The following TRIL variants were observed in gnomAD, a reference collection of about 807,000 sequenced individuals.
TRIL encodes the protein TLR4 interactor with leucine rich repeats.
Under a neutral mutation model 43.0 loss-of-function variants are expected in TRIL, and 23 were observed. The observed-to-expected ratio is 0.54, with a 90% CI of 0.39 to 0.76. The LOEUF (loss-of-function observed/expected upper bound fraction) is 0.76. Ranked by LOEUF, TRIL falls within the 30% of genes least tolerant of loss-of-function variation. The pLI, the probability that TRIL is intolerant of heterozygous loss-of-function variation, is 0.00. For synonymous variants in TRIL, 602 were observed against 556.8 expected, an observed-to-expected ratio of 1.08 and a Z score of -1.14; for missense variants, 1,114 against 1,139.3, an observed-to-expected ratio of 0.98 and a Z score of 0.32.
rs1487849879 is a variant in TRIL, at chr7:28,956,324, G to A, written c.1723C>T (p.Leu575=). The A allele has an allele frequency of 1.3e-6, 2 of 1,535,530 alleles. No individual in the cohort carries two copies. The highest frequency in any genetic ancestry group is 1.7e-6 in the Non-Finnish European group (2 of 1,147,238). ...QSDGGAGLPP[L]VSDPCDFNKF... ...TTGAAGTCGCATGGGTCGGACACCA[G>A]CGGCGGCAGCCCGGCCCCACCGTCG... Residue 575 remains leucine (L), a synonymous_variant, in exon 1 of 1, where the codon CTG becomes TTG. Transcript: ENST00000539664.
At position 28,958,228 on chromosome 7, in the gene TRIL, C is replaced by T. The variant is rs916457883; in HGVS notation, c.-182G>A. ...GGCCCGGGTCTCTGCAGGCGGGCTT[C>T]GCCCGGCCAAGTCAGGCGGCGCGGG... On this transcript the variant is annotated 5_prime_UTR_variant, in exon 1 of 1. Transcript: ENST00000539664. The T allele has an allele frequency of 1.1e-6, 1 of 877,482 alleles. No individual in the cohort carries two copies. The highest frequency in any genetic ancestry group is 1.6e-6 in the Non-Finnish European group (1 of 610,748). The allele number at this position is 877,482 out of a possible 1,614,324, so 54.4% of individuals were successfully genotyped here.
Position 28,955,861 on chromosome 7 carries a change from C to T in TRIL, c.2186G>A (p.Arg729Lys), listed in dbSNP as rs781750515. 6 of 1,549,972 alleles carry T rather than the reference C, an allele frequency of 3.9e-6. No individual in the cohort carries two copies. In the South Asian group the frequency reaches 7.1e-5, roughly 18 times the overall value. The change falls in exon 1 of 1, where the codon AGG (arginine) becomes AAG (lysine). Residue 729 changes from arginine (R) to lysine (K), a missense_variant. By Grantham distance (26) the Arg-to-Lys change is conservative (BLOSUM62 2). Coordinates refer to ENST00000539664, the MANE Select transcript of TRIL (RefSeq NM_014817.4). ...GTGGACCGGGGCCCCGCCCTTCCGC[C>T]TAGCCCGCAGTTTCCTACGCAGCCA... ...SRWLRRKLRA[R>K]RKGGAPVHVR...
In TRIL at chr7:28,955,848, C is replaced by T; in HGVS notation, c.2199G>A (p.Gly733=). 6.5e-7 allele frequency: 1 copy of T among 1,549,796 alleles called. No individual in the cohort carries two copies. The highest frequency in any genetic ancestry group is 8.7e-7 in the Non-Finnish European group (1 of 1,146,768). ...RRKLRARRKG[G]APVHVRHMYS... ...ACATGTGCCGAACGTGGACCGGGGC[C>T]CCGCCCTTCCGCCTAGCCCGCAGTT... The change falls in exon 1 of 1, where the codon GGG becomes GGA. Residue 733 remains glycine, a synonymous_variant. Coordinates refer to ENST00000539664, the MANE Select transcript of TRIL (RefSeq NM_014817.4).
In TRIL at chr7:28,957,707, G is replaced by C. The variant is rs1783429595; in HGVS notation, c.340C>G (p.Leu114Val). The change falls in exon 1 of 1, where the codon CTG (leucine) becomes GTG (valine). Residue 114 changes from leucine to valine, a missense_variant. Leu to Val is a conservative substitution (Grantham distance 32). Transcript: ENST00000539664. ...EKLSRLEELY[L>V]GNNLLQALAP... Reference sequence around the variant, plus strand: ...AGCGCCTGCAAGAGGTTGTTCCCCAGGTACAGCTCTTCCAGCCGCGAGAGC... The same window carrying C: ...AGCGCCTGCAAGAGGTTGTTCCCCACGTACAGCTCTTCCAGCCGCGAGAGC... The C allele has an allele frequency of 6.2e-7, 1 of 1,611,678 alleles. No homozygotes were observed. The highest frequency in any genetic ancestry group is 8.5e-7 in the Non-Finnish European group (1 of 1,178,894).
Position 28,957,159 on chromosome 7 carries a change from C to G in TRIL, c.888G>C (p.Leu296=). The change falls in exon 1 of 1, where the codon CTG becomes CTC. Residue 296 remains leucine, a synonymous_variant. Transcript: ENST00000539664. ...GNRLSQLPTA[L]LEPLHSLEAL... is the part of the protein sequence containing the mutation. ...CCTCCAGGCTGTGCAGAGGCTCCAG[C>G]AGCGCAGTTGGCAGCTGGCTCAGCC... The G allele has an allele frequency of 6.3e-7, 1 of 1,590,610 alleles. No individual in the cohort carries two copies. Among genetic ancestry groups the G allele is most frequent in the Non-Finnish European group, 8.5e-7 (1 of 1,171,698 alleles).
rs568603520 is a variant in TRIL, at chr7:28,955,894, G to A, written c.2153C>T (p.Ala718Val). The A allele has an allele frequency of 9.0e-6, 14 of 1,550,624 alleles. No homozygotes were observed. The African/African-American group carries it at 1.8e-4, about 20-fold the overall frequency. Reference sequence around the variant, plus strand: ...CAGTTTCCTACGCAGCCAGCGAGACGCCCAGGCCGCCAAGGCCAGGAGCAC... The same window carrying A: ...CAGTTTCCTACGCAGCCAGCGAGACACCCAGGCCGCCAAGGCCAGGAGCAC... ...LLVLLALAAW[A>V]SRWLRRKLRA... Residue 718 changes from alanine to valine, a missense_variant, in exon 1 of 1, where the codon GCG (alanine) becomes GTG (valine). By Grantham distance (64) the Ala-to-Val change is moderately conservative. Transcript: ENST00000539664.
At position 28,956,499 on chromosome 7, in the gene TRIL, C is replaced by A; in HGVS notation, c.1548G>T (p.Gln516His). Residue 516 changes from glutamine (Q) to histidine (H), a missense_variant, in exon 1 of 1, where the codon CAG (glutamine) becomes CAT (histidine). Transcript: ENST00000539664. ...PQSLDLHKKP[Q>H]RGRPTRADPA... is the part of the protein sequence containing the mutation. ...GATCTGCCCGAGTCGGACGGCCCCG[C>A]TGGGGCTTCTTGTGCAGGTCTAGGG... 1 of 1,574,712 alleles carries A rather than the reference C, an allele frequency of 6.4e-7. No individual in the cohort carries two copies. The highest frequency in any genetic ancestry group is 8.6e-7 in the Non-Finnish European group (1 of 1,168,240).
chr7:28,956,588 G>A lies in TRIL; in HGVS notation c.1459C>T (p.Arg487Trp), dbSNP rs376672396. The change falls in exon 1 of 1, where the codon CGG becomes TGG. Residue 487 changes from arginine to tryptophan, a missense_variant. Physicochemically the swap from Arg to Trp is moderately radical, Grantham distance 101 (BLOSUM62 -3). Coordinates refer to ENST00000539664, the MANE Select transcript of TRIL (RefSeq NM_014817.4). ...GNRSALRLSR[R>W]GPGLQQPSPS... ...CTGGGCTGCTGGAGGCCCGGGCCCCGCCGACTCAGCCTTAGGGCGCTGCGG... is the reference window on the plus strand; with the variant it reads ...CTGGGCTGCTGGAGGCCCGGGCCCCACCGACTCAGCCTTAGGGCGCTGCGG... The A allele has an allele frequency of 3.2e-3, 5,059 of 1,556,636 alleles. 181 individuals are homozygous for A. The South Asian group carries it at 0.055, about 17-fold the overall frequency.
chr7:28,954,907 T>C lies in TRIL; in HGVS notation c.*704A>G, dbSNP rs1783373495. 1 of 152,250 alleles carries C rather than the reference T, an allele frequency of 6.6e-6. No homozygotes were observed. 9.4% of individuals were successfully genotyped at this position (152,250 alleles called of 1,614,324 possible). A position where few individuals can be genotyped will look rare whatever the true frequency, so the allele number is the denominator to read the frequency against. On this transcript the variant is annotated 3_prime_UTR_variant, in exon 1 of 1. Transcript: ENST00000539664. ...TTATCCTCGAAGTCAGCAAGCGCTCTTGTACTGTTAATATTAAAAGGAACA... is the reference window on the plus strand; with the variant it reads ...TTATCCTCGAAGTCAGCAAGCGCTCCTGTACTGTTAATATTAAAAGGAACA...
Position 28,958,086 on chromosome 7 carries a change from G to T in TRIL, c.-40C>A, listed in dbSNP as rs1250407835. ...CGTGCAGCGGCCGGATCGTCCTCTT[G>T]GCCCGCCGGCTCTGTGTCTCCTCTG... is the stretch of plus-strand genomic sequence containing the variant. On this transcript the variant is annotated 5_prime_UTR_variant, in exon 1 of 1. Transcript: ENST00000539664. 22 of 1,466,650 alleles carry T rather than the reference G, an allele frequency of 1.5e-5. No individual in the cohort carries two copies. The highest frequency in any genetic ancestry group is 2.7e-5 in the Admixed American group (1 of 37,640). The allele number at this position is 1,466,650 out of a possible 1,614,324, so 90.9% of individuals were successfully genotyped here.
At position 28,957,638 on chromosome 7, in the gene TRIL, A is replaced by T. The variant is rs764123046; in HGVS notation, c.409T>A (p.Tyr137Asn). ...LAPLRKLRIL[Y>N]ANGNEISRLS... ...CGGCTGATCTCGTTCCCGTTGGCGT[A>T]GAGGATGCGCAGCTTGCGCAGCGGG... Residue 137 changes from tyrosine (Y) to asparagine (N), a missense_variant, in exon 1 of 1, where the codon TAC becomes AAC. Physicochemically the swap from Tyr to Asn is moderately radical, Grantham distance 143. Coordinates refer to ENST00000539664, the MANE Select transcript of TRIL (RefSeq NM_014817.4). The T allele has an allele frequency of 6.2e-7, 1 of 1,610,616 alleles. No individual in the cohort carries two copies. The highest frequency in any genetic ancestry group is 1.1e-5 in the South Asian group (1 of 90,636).
In TRIL at chr7:28,954,522, T is replaced by G. The variant is rs1286308070; in HGVS notation, c.*1089A>C. On this transcript the variant is annotated 3_prime_UTR_variant, in exon 1 of 1. Coordinates refer to ENST00000539664, the MANE Select transcript of TRIL (RefSeq NM_014817.4). ...TAAAGACACTAATGTGGTCAAACAT[T>G]AAACTATCAATTGACAATCACCTTT... 6.6e-6 allele frequency: 1 copy of G among 152,614 alleles called. No homozygotes were observed. Among genetic ancestry groups the G allele is most frequent in the Non-Finnish European group, 1.5e-5 (1 of 68,052 alleles). 9.5% of individuals were successfully genotyped at this position (152,614 alleles called of 1,614,324 possible).
In TRIL at chr7:28,955,014, GA is replaced by G. The variant is rs35177873; in HGVS notation, c.*596del. ...AAATGTCAGAGCTTTTCACATTTTTGAAAAAAAAAAATGCGTCTCTTATTAA... is the reference window on the plus strand; with the variant it reads ...AAATGTCAGAGCTTTTCACATTTTTGAAAAAAAAAATGCGTCTCTTATTAA... On this transcript the variant is annotated 3_prime_UTR_variant, in exon 1 of 1. Transcript: ENST00000539664. 72,091 of 149,044 alleles carry G rather than the reference GA, an allele frequency of 0.48. 19,221 individuals carry two copies. Among genetic ancestry groups the G allele is most frequent in the Non-Finnish European group, 0.62 (41,748 of 67,386 alleles). The allele number at this position is 149,044 out of a possible 1,614,324, so 9.2% of individuals were successfully genotyped here. A position where few individuals can be genotyped will look rare whatever the true frequency, so the allele number is the denominator to read the frequency against.
chr7:28,958,183 C>A lies in TRIL; in HGVS notation c.-137G>T, dbSNP rs140899177. 5 of 1,279,272 alleles carry A rather than the reference C, an allele frequency of 3.9e-6. No individual in the cohort carries two copies. The East Asian group carries it at 1.4e-4, about 36-fold the overall frequency. The allele number at this position is 1,279,272 out of a possible 1,614,324, so 79.2% of individuals were successfully genotyped here. The stretch of plus-strand genomic sequence containing the variant: ...TTCGCAGCGCCGTCCAGCCCCTCCT[C>A]CGTCCTTTGTCCGGAGGCCGGCCCG... On this transcript the variant is annotated 5_prime_UTR_variant, in exon 1 of 1. Coordinates refer to ENST00000539664, the MANE Select transcript of TRIL (RefSeq NM_014817.4).
In TRIL at chr7:28,956,350, G is replaced by C; in HGVS notation, c.1697C>G (p.Ser566Cys). ...CGGCGGCAGCCCGGCCCCACCGTCG[G>C]ACTGGGCGGCACGCTCCTGGTGCTC... The part of the protein sequence containing the change: ...GTEHQERAAQ[S>C]DGGAGLPPLV... The change falls in exon 1 of 1, where the codon TCC becomes TGC. Residue 566 changes from serine to cysteine, a missense_variant. Physicochemically the swap from Ser to Cys is moderately radical, Grantham distance 112. Transcript: ENST00000539664. 1 of 1,531,542 alleles carries C rather than the reference G, an allele frequency of 6.5e-7. No homozygotes were observed. The highest frequency in any genetic ancestry group is 8.7e-7 in the Non-Finnish European group (1 of 1,144,902). 94.9% of individuals were successfully genotyped at this position (1,531,542 alleles called of 1,614,324 possible).
Position 28,957,315 on chromosome 7 carries a change from G to A in TRIL, c.732C>T (p.Leu244=). The part of the protein sequence containing the change: ...LILSANNLQH[L]GPRIFQHLPR... ...GCAGGTGCTGGAAGATGCGCGGCCC[G>A]AGGTGCTGCAGGTTGTTGGCCGAGA... Residue 244 remains leucine (L), a synonymous_variant, in exon 1 of 1, where the codon CTC becomes CTT. Coordinates refer to ENST00000539664, the MANE Select transcript of TRIL (RefSeq NM_014817.4). 6.2e-7 allele frequency: 1 copy of A among 1,612,122 alleles called. No homozygotes were observed.
chr7:28,957,493 T>C lies in TRIL; in HGVS notation c.554A>G (p.His185Arg), dbSNP rs1301804696. The C allele has an allele frequency of 6.2e-7, 1 of 1,613,178 alleles. No individual in the cohort carries two copies. Among genetic ancestry groups the C allele is most frequent in the Non-Finnish European group, 8.5e-7 (1 of 1,179,818 alleles). ...FAPLGNLLYL[H>R]LESNRIRFLG... ...AAAGCGGATCCGGTTGGACTCCAGA[T>C]GTAGGTAGAGCAGGTTGCCCAAGGG... The change falls in exon 1 of 1, where the codon CAT becomes CGT. Residue 185 changes from histidine to arginine, a missense_variant. Physicochemically the swap from His to Arg is conservative, Grantham distance 29 (BLOSUM62 0). Coordinates refer to ENST00000539664, the MANE Select transcript of TRIL (RefSeq NM_014817.4).
In TRIL at chr7:28,956,172, G is replaced by A. The variant is rs1783398595; in HGVS notation, c.1875C>T (p.Asp625=). The part of the protein sequence containing the change: ...LGGARFRLLF[D]RFGQQPKFHR... ...GGAACTTGGGCTGCTGGCCAAAGCG[G>A]TCAAAGAGCAGGCGGAAGCGCGCGC... Residue 625 remains aspartate, a synonymous_variant, in exon 1 of 1, where the codon GAC becomes GAT. Transcript: ENST00000539664. 1 of 1,574,744 alleles carries A rather than the reference G, an allele frequency of 6.4e-7. No homozygotes were observed. The highest frequency in any genetic ancestry group is 8.6e-7 in the Non-Finnish European group (1 of 1,161,520).
In TRIL at chr7:28,953,394, A is replaced by G. The variant is rs1426435653; in HGVS notation, c.*2217T>C. ...AGTGGGTTTATTGACATAACTGGAC[A>G]TAACAATGTATAACATTTATTCATC... On this transcript the variant is annotated 3_prime_UTR_variant, in exon 1 of 1. Coordinates refer to ENST00000539664, the MANE Select transcript of TRIL (RefSeq NM_014817.4). 6.5e-6 allele frequency: 1 copy of G among 152,672 alleles called. No individual in the cohort carries two copies. The highest frequency in any genetic ancestry group is 6.5e-5 in the Admixed American group (1 of 15,288). 9.5% of individuals were successfully genotyped at this position (152,672 alleles called of 1,614,324 possible). A position where few individuals can be genotyped will look rare whatever the true frequency, so the allele number is the denominator to read the frequency against.
Sources: gnomAD v4.1 joint callset for allele counts on GRCh38, gnomAD v4.1.1 for gene constraint, MANE v1.5 for transcripts, NCBI Gene and HGNC (gene_info 2026-07-23, HGNC 2026-07-21) for gene names.